The following RGS7 variants were observed in gnomAD, a reference collection of about 807,000 sequenced individuals.
The protein encoded by RGS7 is regulator of G-protein signaling 7.
Under a neutral mutation model 81.1 loss-of-function variants are expected in RGS7, and 27 were observed. The ratio of observed to expected loss-of-function variants is 0.33; its 90% CI spans 0.25 to 0.46. RGS7 has a LOEUF of 0.46. RGS7 is among the 20% of genes least tolerant of loss of function. The probability of loss-of-function intolerance (pLI) is 1.00; values close to 1 mark genes in which losing one functional copy is unlikely to be tolerated. For missense variants in RGS7, 396 were observed against 607.4 expected (o/e 0.65, Z 3.66); for synonymous variants, 208 against 207.7 (o/e 1.00, Z -0.01).
At chr1:240,920,257 G>C (rs1401508136) in intron 6 of RGS7, 22 of 1,261,058 alleles carry the variant, frequency 1.7e-5, no homozygotes, top group Non-Finnish European at 2.5e-5. Flanking sequence ...GGAAACTTTG[G>C]TGGTGATCGT....
intron 6 of RGS7, among the ~76,000 whole-genome samples, chr1:240,902,285 A>T (rs1670141651): frequency 6.6e-6 from 1 of 152,238 alleles, no homozygotes. Flanking sequence ...AACTATTTAG[A>T]CATATCTCTA....
chr1:240,875,172 T>A (rs536028917), intron 6 of RGS7, among the ~76,000 whole-genome samples: 1 of 152,338 alleles, frequency 6.6e-6, no homozygotes, highest in African/African-American at 2.4e-5. Context: ...AACTTTGCGC[T>A]CTTTAACCAA....
chr1:240,925,304 C>T (rs1035987711), intron 6 of RGS7, among the ~76,000 whole-genome samples: 1 of 151,982 alleles, frequency 6.6e-6, no homozygotes, highest in Non-Finnish European at 1.5e-5. Flanking sequence ...TACCTGCCAG[C>T]GTCTATTGTT....
At chr1:241,183,800 G>A (rs1409473667) in intron 2 of RGS7, among the ~76,000 whole-genome samples, 1 of 152,206 alleles carries the variant, frequency 6.6e-6, no homozygotes, top group Middle Eastern at 3.2e-3. Flanking sequence ...ATTTGGAAAA[G>A]TAAACAGTAA....
Position 241,009,679 on chromosome 1 carries a change from A to G in RGS7, c.176-26550T>C, listed in dbSNP as rs185453373. On this transcript the variant is annotated intron_variant, in intron 3 of 18. Transcript: ENST00000440928. ...CACCCTGTAGATAAACTGACACACG[A>G]CTGTAAACCCAGAAATTGGAAGTGA... Among the ~76,000 whole-genome samples, 42 of 152,310 alleles carry G rather than the reference A, an allele frequency of 2.8e-4. No individual in the cohort carries two copies. In the East Asian group the frequency reaches 7.1e-3, roughly 26 times the overall value.
chr1:241,235,097 T>C (rs905092745), intron 2 of RGS7, among the ~76,000 whole-genome samples: 1 of 152,198 alleles, frequency 6.6e-6, no homozygotes, highest in Non-Finnish European at 1.5e-5. Flanking sequence ...ATTCCATGGA[T>C]AGTCAAGAGA....
chr1:241,230,490 T>C (rs1177137604), intron 2 of RGS7, among the ~76,000 whole-genome samples: 1 of 152,146 alleles, frequency 6.6e-6, no homozygotes. Context: ...CTGGGATTAC[T>C]ATCATGAGCC....
intron 10 of RGS7, among the ~76,000 whole-genome samples, chr1:240,819,364 G>A (rs1691370766): frequency 6.6e-6 from 1 of 152,186 alleles, no homozygotes; most frequent in South Asian, 2.1e-4. Flanking sequence ...TATCATGAAA[G>A]TAAAATGATC....
chr1:240,955,369 G>A (rs909597253), intron 4 of RGS7, among the ~76,000 whole-genome samples: 2 of 151,966 alleles, frequency 1.3e-5, no homozygotes, highest in Non-Finnish European at 2.9e-5. Context: ...TGGTTAACAC[G>A]GTGAAACCCT....
At chr1:241,001,148 T>C (rs2148628940) in intron 3 of RGS7, among the ~76,000 whole-genome samples, 1 of 152,338 alleles carries the variant, frequency 6.6e-6, no homozygotes, top group South Asian at 2.1e-4. Flanking sequence ...GTGTGTGTTT[T>C]CATAGGCTAA....
intron 2 of RGS7, among the ~76,000 whole-genome samples, chr1:241,174,985 C>T (rs546402295): frequency 6.8e-6 from 1 of 147,508 alleles, no homozygotes; most frequent in Non-Finnish European, 1.5e-5. Flanking sequence ...TCACTACAAC[C>T]TCCGCCTCCC....
At chr1:240,903,062 T>C (rs186800384) in intron 6 of RGS7, among the ~76,000 whole-genome samples, 177 of 152,364 alleles carry the variant, frequency 1.2e-3, no homozygotes, top group African/African-American at 4.1e-3. Flanking sequence ...GGTGTTCTGA[T>C]AGCAAAGTTT....
chr1:241,316,248 C>T (rs1463806468), intron 2 of RGS7, among the ~76,000 whole-genome samples: 1 of 152,172 alleles, frequency 6.6e-6, no homozygotes, highest in Non-Finnish European at 1.5e-5. Context: ...CTCTCTGAAC[C>T]CAGGTTTTGG....
At chr1:240,967,570 G>GC (rs1485144689) in intron 4 of RGS7, among the ~76,000 whole-genome samples, 5 of 118,432 alleles carry the variant, frequency 4.2e-5, no homozygotes, top group Non-Finnish European at 9.7e-5. Flanking sequence ...CCAAGAAGTG[G>GC]GGGGGGGGGG....
intron 2 of RGS7, among the ~76,000 whole-genome samples, chr1:241,264,798 C>T (rs1199084990): frequency 6.6e-6 from 1 of 152,146 alleles, no homozygotes; most frequent in Non-Finnish European, 1.5e-5. Context: ...AAGAGACAGA[C>T]ATAAACACAC....
At chr1:241,131,452 T>G (rs1474674826) in intron 2 of RGS7, among the ~76,000 whole-genome samples, 1 of 152,148 alleles carries the variant, frequency 6.6e-6, no homozygotes, top group African/African-American at 2.4e-5. Context: ...CCTGAAAATT[T>G]GCATTTTTAA....
At chr1:241,294,623 T>A (rs1461958493) in intron 2 of RGS7, among the ~76,000 whole-genome samples, 1 of 152,170 alleles carries the variant, frequency 6.6e-6, no homozygotes, top group Non-Finnish European at 1.5e-5. Context: ...CACTACTCAC[T>A]CACTGACTCA....
chr1:240,856,998 T>C (rs1357857710), intron 9 of RGS7, among the ~76,000 whole-genome samples: 1 of 152,112 alleles, frequency 6.6e-6, no homozygotes. Context: ...TACTTCAAGG[T>C]CTTGTCTATA....
At chr1:240,808,144 A>G (rs896222352) in intron 14 of RGS7, among the ~76,000 whole-genome samples, 3 of 152,176 alleles carry the variant, frequency 2.0e-5, no homozygotes, top group Non-Finnish European at 2.9e-5. Context: ...GAACACATCA[A>G]TCAAAACAGT....
Sources: gnomAD v4.1 joint callset for allele counts (sites outside exome capture counted in the v4.1 genomes callset) on GRCh38, gnomAD v4.1.1 for gene constraint, MANE v1.5 for transcripts, NCBI Gene and HGNC (gene_info 2026-07-23, HGNC 2026-07-21) for gene names.